The following MYL2 variants were observed in gnomAD, a reference collection of about 807,000 sequenced individuals.
MYL2 encodes myosin regulatory light chain 2, ventricular/cardiac muscle isoform.
A neutral mutation model predicts 23.0 loss-of-function variants in MYL2; 19 were observed. The observed-to-expected ratio is 0.83, with a 90% CI of 0.58 to 1.21. The LOEUF is 1.21. MYL2 is among the 50% of genes most tolerant of loss of function. The pLI is 0.00. For synonymous variants in MYL2, 78 were observed against 76.2 expected (o/e 1.02, Z -0.13); for missense variants, 180 against 215.1 (o/e 0.84, Z 1.02).
At chr12:110,919,329 A>ATTT in intron 1 of MYL2, 136 bp from the exon 2 acceptor site, 2 of 687,284 alleles carry the variant, frequency 2.9e-6, no homozygotes, top group South Asian at 1.8e-5. Flanking sequence ...CAGCATCCAC[A>ATTT]CTCAGGTCTC....
intron 2 of MYL2, among the ~76,000 whole-genome samples, chr12:110,917,524 C>T (rs1463711394): frequency 6.6e-6 from 1 of 151,124 alleles, no homozygotes; most frequent in African/African-American, 2.4e-5. Context: ...AACAAACAGA[C>T]CAAATGGGGA....
At chr12:110,913,965 C>G (rs930535774) in intron 4 of MYL2, among the ~76,000 whole-genome samples, 1 of 152,082 alleles carries the variant, frequency 6.6e-6, no homozygotes, top group African/African-American at 2.4e-5. Flanking sequence ...CCATGTTGGC[C>G]AGGTTGGTCT....
intron 2 of MYL2, among the ~76,000 whole-genome samples, chr12:110,917,633 GGAAGGT>G (rs1350206226): frequency 6.6e-6 from 1 of 152,136 alleles, no homozygotes; most frequent in Non-Finnish European, 1.5e-5. Flanking sequence ...CTTTCTGCCT[GGAAGGT>G]GACTATCTCA....
chr12:110,916,383 C>A (rs2071687983), intron 2 of MYL2, among the ~76,000 whole-genome samples: 1 of 152,142 alleles, frequency 6.6e-6, no homozygotes, highest in Admixed American at 6.6e-5. Flanking sequence ...ATGTGTATAG[C>A]AGCATCGTTC....
chr12:110,916,073 C>T (rs1490304263), intron 2 of MYL2, among the ~76,000 whole-genome samples: 7 of 152,330 alleles, frequency 4.6e-5, no homozygotes, highest in African/African-American at 1.4e-4. Context: ...CAGTGGCTCA[C>T]GCCTGTAATC....
chr12:110,921,270 A>C (rs945349944), upstream of MYL2, among the ~76,000 whole-genome samples: 3 of 152,184 alleles, frequency 2.0e-5, no homozygotes, highest in South Asian at 6.2e-4. Context: ...CTGGGACAGG[A>C]GGATCACTTG....
intron 1 of MYL2, 128 bp downstream of exon 1, chr12:110,920,399 G>T (rs1398963279): frequency 2.2e-6 from 3 of 1,393,344 alleles, no homozygotes; most frequent in Non-Finnish European, 3.0e-6. Flanking sequence ...AGTCAATGGG[G>T]CTTTTTCCAC....
chr12:110,918,054 GC>G lies in MYL2; in HGVS notation c.93+1049del, dbSNP rs1467783969. Among the ~76,000 whole-genome samples, 3 of 152,152 alleles carry G rather than the reference GC, an allele frequency of 2.0e-5. No homozygotes were observed. Among genetic ancestry groups the G allele is most frequent in the Admixed American group, 6.5e-5 (1 of 15,278 alleles). On this transcript the variant is annotated intron_variant, in intron 2 of 6. Transcript: ENST00000228841. The surrounding 1 kb of genome is among the most constrained non-coding windows in gnomAD (Gnocchi z 4.4). ...GCCGTGGTTGTGCCACTGCACTCTA[GC>G]CTGGGTGACAGAGCGAGACTCTGTC...
Position 110,915,743 on chromosome 12 carries a change from G to T in MYL2, c.141C>A (p.Asn47Lys), listed in dbSNP as rs199474808. ...GGGCAGCAAAGGTGTCTCTCAGATC[G>T]TTCTTGTCAATGAAGCCATCCCTGT... ...DQNRDGFIDK[N>K]DLRDTFAALG... The change falls in exon 3 of 7, where the codon AAC (asparagine) becomes AAA (lysine). Residue 47 changes from asparagine (N) to lysine (K), a missense_variant. Physicochemically the swap from Asn to Lys is moderately conservative, Grantham distance 94. Transcript: ENST00000228841. 5.5e-4 allele frequency: 885 copies of T among 1,614,034 alleles called. 2 individuals are homozygous for T. Among genetic ancestry groups the T allele is most frequent in the Non-Finnish European group, 6.8e-4 (799 of 1,180,014 alleles).
Position 110,910,900 on chromosome 12 carries a change from A to T in MYL2, c.*177T>A, listed in dbSNP as rs2071644542. The T allele has an allele frequency of 1.5e-6, 1 of 652,054 alleles. No individual in the cohort carries two copies. Among genetic ancestry groups the T allele is most frequent in the Non-Finnish European group, 2.8e-6 (1 of 358,202 alleles). The allele number at this position is 652,054 out of a possible 1,614,324, so 40.4% of individuals were successfully genotyped here. ...CTCTGGATGGATTTCCAACTGTAGGATGTGCGGCCACGAAGTACCCATAGC... is the reference window on the plus strand; with the variant it reads ...CTCTGGATGGATTTCCAACTGTAGGTTGTGCGGCCACGAAGTACCCATAGC... On this transcript the variant is annotated 3_prime_UTR_variant, in exon 7 of 7. Transcript: ENST00000228841.
At position 110,913,400 on chromosome 12, in the gene MYL2, T is replaced by G. The variant is rs146401175; in HGVS notation, c.275-76A>C. 21,081 of 1,498,526 alleles carry G rather than the reference T, an allele frequency of 0.014. 222 individuals are homozygous for G. The highest frequency in any genetic ancestry group is 0.015 in the Non-Finnish European group (16,343 of 1,075,728). 92.8% of individuals were successfully genotyped at this position (1,498,526 alleles called of 1,614,324 possible). On this transcript the variant is annotated intron_variant, in intron 4 of 6. Coordinates refer to ENST00000228841, the MANE Select transcript of MYL2 (RefSeq NM_000432.4). ...GGCACCCCAGGCAGCAGGGCCCAAG[T>G]TCCCCCAGAGATGAAGGGGCCAGAG... is the stretch of plus-strand genomic sequence containing the variant.
chr12:110,914,238 C>T lies in MYL2; in HGVS notation c.222G>A (p.Pro74=), dbSNP rs372644111. The T allele has an allele frequency of 1.2e-5, 20 of 1,614,074 alleles. No individual in the cohort carries two copies. The Admixed American group carries it at 1.5e-4, about 12-fold the overall frequency. Residue 74 remains proline, a synonymous_variant, in exon 4 of 7, where the codon CCG becomes CCA. Transcript: ENST00000228841. The part of the protein sequence containing the change: ...EEIDEMIKEA[P]GPINFTVFLT... ...GGAACACAGTAAAGTTAATTGGACC[C>T]GGAGCCTCCTTGATCATTTCATCAA...
rs768565749 is a variant in MYL2, at chr12:110,911,107, G to A, written c.471C>T (p.His157=). ...TGNLDYKNLV[H]IITHGEEKD is the part of the protein sequence containing the mutation. ...CCTTCTCTTCTCCGTGGGTGATGAT[G>A]TGCACCAGGTTCTTGTAGTCCAAGT... Residue 157 remains histidine, a synonymous_variant, in exon 7 of 7, where the codon CAC becomes CAT. Coordinates refer to ENST00000228841, the MANE Select transcript of MYL2 (RefSeq NM_000432.4). 2 of 1,614,064 alleles carry A rather than the reference G, an allele frequency of 1.2e-6. No homozygotes were observed. The highest frequency in any genetic ancestry group is 1.7e-6 in the Non-Finnish European group (2 of 1,180,006).
chr12:110,912,979 T>C (rs1023166585), intron 6 of MYL2, 117 bp downstream of exon 6: 4 of 1,144,250 alleles, frequency 3.5e-6, no homozygotes, highest in South Asian at 2.5e-5. Flanking sequence ...CAGAAGACGA[T>C]AGCTGGTTCT....
At chr12:110,915,652 C>G in intron 3 of MYL2, 63 bp downstream of exon 3, 1 of 1,512,920 alleles carries the variant, frequency 6.6e-7, no homozygotes, top group Non-Finnish European at 9.2e-7. Context: ...ATGGTCCCAC[C>G]TCCTGCTCCT....
chr12:110,914,040 C>G, intron 4 of MYL2, 146 bp downstream of exon 4: 1 of 704,998 alleles, frequency 1.4e-6, no homozygotes, highest in Non-Finnish European at 2.5e-6. Context: ...TTACAGGCAT[C>G]AGCCACTGCG....
At position 110,918,479 on chromosome 12, in the gene MYL2, A is replaced by G. The variant is rs1352933962; in HGVS notation, c.93+625T>C. Among the ~76,000 whole-genome samples, 1 of 152,168 alleles carries G rather than the reference A, an allele frequency of 6.6e-6. No individual in the cohort carries two copies. The highest frequency in any genetic ancestry group is 1.5e-5 in the Non-Finnish European group (1 of 68,034). On this transcript the variant is annotated intron_variant, in intron 2 of 6. Coordinates refer to ENST00000228841, the MANE Select transcript of MYL2 (RefSeq NM_000432.4). The surrounding 1 kb of genome is among the most constrained non-coding windows in gnomAD (Gnocchi z 4.4). Reference sequence around the variant, plus strand: ...ATTAGTGCTGTGATTTTGGGGGGCAATTCGGACCAGCAGTTCTGCCTGTTT... The same window carrying G: ...ATTAGTGCTGTGATTTTGGGGGGCAGTTCGGACCAGCAGTTCTGCCTGTTT...
At chr12:110,914,131 C>G in intron 4 of MYL2, 55 bp downstream of exon 4, 4 of 1,314,452 alleles carry the variant, frequency 3.0e-6, no homozygotes, top group Admixed American at 3.4e-5. Context: ...TGCCAGCCCC[C>G]CCGAAGAAAC....
In MYL2 at chr12:110,914,232, T is replaced by C. The variant is rs752075835; in HGVS notation, c.228A>G (p.Pro76=). 6.2e-7 allele frequency: 1 copy of C among 1,614,072 alleles called. No homozygotes were observed. The highest frequency in any genetic ancestry group is 8.5e-7 in the Non-Finnish European group (1 of 1,180,010). The change falls in exon 4 of 7, where the codon CCA becomes CCG. Residue 76 remains proline, a synonymous_variant. Transcript: ENST00000228841. ...IDEMIKEAPG[P]INFTVFLTMF... ...TTGTGAGGAACACAGTAAAGTTAAT[T>C]GGACCCGGAGCCTCCTTGATCATTT...
Sources: gnomAD v4.1 joint callset for allele counts (sites outside exome capture counted in the v4.1 genomes callset) on GRCh38, gnomAD v4.1.1 for gene constraint, Gnocchi (gnomAD v3.1) non-coding constraint, MANE v1.5 for transcripts, NCBI Gene and HGNC (gene_info 2026-07-23, HGNC 2026-07-21) for gene names.